NCAM2: variants seen among roughly 807,000 people sequenced by gnomAD.
NCAM2 encodes neural cell adhesion molecule 2.
NCAM2 carries 30 observed loss-of-function variants against 98.1 expected under a neutral mutation model. That is an observed-to-expected ratio of 0.31 (90% CI 0.23 to 0.41). The LOEUF (loss-of-function observed/expected upper bound fraction) is 0.41. NCAM2 is among the 10% of genes least tolerant of loss of function. NCAM2 has a pLI of 1.00. For missense variants in NCAM2, 867 were observed against 1,005.8 expected, an observed-to-expected ratio of 0.86 and a Z score of 1.87; for synonymous variants, 368 against 342.4, an observed-to-expected ratio of 1.07 and a Z score of -0.83.
intron 1 of NCAM2, among the ~76,000 whole-genome samples, chr21:21,154,162 A>G (rs2067537830): frequency 6.6e-6 from 1 of 151,930 alleles, no homozygotes; most frequent in Admixed American, 6.6e-5. Context: ...GTTAGATAAC[A>G]TCATAAAGAA....
At chr21:21,143,787 C>T (rs551275598) in intron 1 of NCAM2, among the ~76,000 whole-genome samples, 88 of 120,480 alleles carry the variant, frequency 7.3e-4, no homozygotes, top group Middle Eastern at 9.9e-3. Context: ...CCTTTTTGCT[C>T]ATTTTTTTTT....
At chr21:21,376,150 A>G (rs1251063856) in intron 9 of NCAM2, among the ~76,000 whole-genome samples, 3 of 151,822 alleles carry the variant, frequency 2.0e-5, no homozygotes, top group Non-Finnish European at 4.4e-5. Context: ...GTTGGGACCT[A>G]TTTATACTCA....
At chr21:21,082,844 T>C (rs2065837001) in intron 1 of NCAM2, among the ~76,000 whole-genome samples, 2 of 152,208 alleles carry the variant, frequency 1.3e-5, no homozygotes, top group Non-Finnish European at 2.9e-5. Flanking sequence ...ACCTTCGTAC[T>C]TCTGTTTCCT....
At chr21:21,472,810 A>ATG (rs1247996226) in intron 14 of NCAM2, among the ~76,000 whole-genome samples, 1 of 151,896 alleles carries the variant, frequency 6.6e-6, no homozygotes, top group East Asian at 1.9e-4. Context: ...GCAACAGATT[A>ATG]TGTAGGGCCT....
chr21:21,027,011 T>G (rs976289933), intron 1 of NCAM2, among the ~76,000 whole-genome samples: 2 of 151,714 alleles, frequency 1.3e-5, no homozygotes, highest in Non-Finnish European at 2.9e-5. Context: ...CGTGCTCCAT[T>G]GCCACCCGAC....
intron 1 of NCAM2, among the ~76,000 whole-genome samples, chr21:21,188,841 G>A (rs2068724099): frequency 6.6e-6 from 1 of 152,176 alleles, no homozygotes; most frequent in Admixed American, 6.5e-5. Context: ...TATTTAATGT[G>A]CCTTGAGTGG....
At chr21:21,188,381 A>G (rs575103614) in intron 1 of NCAM2, among the ~76,000 whole-genome samples, 2 of 152,192 alleles carry the variant, frequency 1.3e-5, no homozygotes, top group African/African-American at 4.8e-5. Flanking sequence ...TGATGGTGTT[A>G]TGGTATAATT....
intron 1 of NCAM2, among the ~76,000 whole-genome samples, chr21:21,091,801 A>T (rs2066017630): frequency 6.6e-6 from 1 of 152,224 alleles, no homozygotes; most frequent in Admixed American, 6.5e-5. Context: ...AATGTAATTT[A>T]TTCCTGTAAT....
intron 1 of NCAM2, among the ~76,000 whole-genome samples, chr21:21,218,728 A>G (rs1393416135): frequency 6.6e-6 from 1 of 152,222 alleles, no homozygotes; most frequent in Non-Finnish European, 1.5e-5. Flanking sequence ...AGAAAGGAAC[A>G]CAGCCCTGCT....
At chr21:21,089,659 A>G (rs2065972757) in intron 1 of NCAM2, among the ~76,000 whole-genome samples, 1 of 152,054 alleles carries the variant, frequency 6.6e-6, no homozygotes, top group Admixed American at 6.6e-5. Flanking sequence ...CTCTATGTTT[A>G]TATGGTTCAG....
chr21:21,511,068 A>G (rs950649329), intron 16 of NCAM2, among the ~76,000 whole-genome samples: 1 of 152,042 alleles, frequency 6.6e-6, no homozygotes, highest in Non-Finnish European at 1.5e-5. Flanking sequence ...TCAAATCAGA[A>G]TAATTGTGGT....
At chr21:21,170,298 C>T (rs1050777500) in intron 1 of NCAM2, among the ~76,000 whole-genome samples, 1 of 152,264 alleles carries the variant, frequency 6.6e-6, no homozygotes, top group Middle Eastern at 3.4e-3. Context: ...CAAAAACCTA[C>T]GTGTGAACAT....
chr21:21,526,980 G>A (rs1379052616), intron 16 of NCAM2, among the ~76,000 whole-genome samples: 1 of 152,062 alleles, frequency 6.6e-6, no homozygotes, highest in Admixed American at 6.6e-5. Flanking sequence ...AACTCAAAAT[G>A]TAATATTGAC....
At chr21:21,404,458 C>T (rs542903909) in intron 9 of NCAM2, among the ~76,000 whole-genome samples, 7 of 152,238 alleles carry the variant, frequency 4.6e-5, no homozygotes, top group Admixed American at 1.3e-4. Context: ...GTCTTGTCTG[C>T]AGCCAGGGAA....
intron 5 of NCAM2, among the ~76,000 whole-genome samples, chr21:21,296,581 C>T (rs1468421999): frequency 5.9e-5 from 9 of 151,580 alleles, no homozygotes; most frequent in Non-Finnish European, 1.0e-4. Flanking sequence ...TTATTAAAAA[C>T]CTGATTTATG....
intron 1 of NCAM2, among the ~76,000 whole-genome samples, chr21:21,225,711 G>A (rs1379474310): frequency 6.6e-6 from 1 of 151,820 alleles, no homozygotes; most frequent in Non-Finnish European, 1.5e-5. Context: ...TGTAAATTAT[G>A]CAGCAAATTA....
chr21:21,005,544 A>G (rs1326864050), intron 1 of NCAM2, among the ~76,000 whole-genome samples: 1 of 152,008 alleles, frequency 6.6e-6, no homozygotes, highest in Non-Finnish European at 1.5e-5. Context: ...GAAACTGTTG[A>G]TCTTTTTATT....
chr21:21,315,127 T>A (rs2074181104), intron 5 of NCAM2, among the ~76,000 whole-genome samples: 1 of 149,992 alleles, frequency 6.7e-6, no homozygotes. Flanking sequence ...ATTCTGACCA[T>A]CTTTCTTGGT....
chr21:21,506,928 CTAAG>C (rs1988015437), intron 15 of NCAM2, among the ~76,000 whole-genome samples: 1 of 151,830 alleles, frequency 6.6e-6, no homozygotes, highest in African/African-American at 2.4e-5. Flanking sequence ...AATTCAGTGA[CTAAG>C]TAATTCTCAT....
Sources: allele counts gnomAD v4.1 joint callset (sites outside exome capture counted in the v4.1 genomes callset), GRCh38; gene constraint gnomAD v4.1.1; transcripts MANE v1.5; gene names NCBI Gene and HGNC (gene_info 2026-07-23, HGNC 2026-07-21).